Variants in KDM2B observed in about 807,000 individuals in gnomAD.
KDM2B encodes the protein lysine-specific demethylase 2B.
KDM2B carries 26 observed loss-of-function variants against 150.0 expected under a neutral mutation model. The observed-to-expected ratio is 0.17, with a 90% CI of 0.13 to 0.24. The LOEUF is 0.24. Among genes scored for constraint, KDM2B ranks in the 10% least tolerant of loss-of-function variants. The pLI is 1.00. For missense variants in KDM2B, 1,265 were observed against 1,816.9 expected, an observed-to-expected ratio of 0.70 and a Z score of 5.52; for synonymous variants, 734 against 729.5, an observed-to-expected ratio of 1.01 and a Z score of -0.10.
At chr12:121,413,870 C>T in the KDM2B span, among the ~76,000 whole-genome samples, 9 of 152,214 alleles carry the variant, frequency 5.9e-5, no homozygotes, top group South Asian at 1.0e-3. Flanking sequence ...CCACCGCGCC[C>T]GGCTTCACCT....
chr12:121,472,800 C>T (rs569067175), intron 12 of KDM2B, among the ~76,000 whole-genome samples: 6 of 152,230 alleles, frequency 3.9e-5, no homozygotes, highest in African/African-American at 9.6e-5. Context: ...TAAGGCTCAG[C>T]GAGGCAAATT....
intron 12 of KDM2B, among the ~76,000 whole-genome samples, chr12:121,477,633 G>A (rs1312831372): frequency 6.7e-5 from 10 of 148,182 alleles, no homozygotes; most frequent in South Asian, 2.1e-4. Flanking sequence ...GCTGGAGTGC[G>A]ATAGCATGAT....
At position 121,467,458 on chromosome 12, in the gene KDM2B, C is replaced by T. The variant is rs1197678689; in HGVS notation, c.1735-14114G>A. The T allele has an allele frequency of 1.5e-6, 1 of 671,090 alleles. No homozygotes were observed. Among genetic ancestry groups the T allele is most frequent in the Non-Finnish European group, 1.8e-6 (1 of 545,412 alleles). 41.6% of individuals were successfully genotyped at this position (671,090 alleles called of 1,614,324 possible). ...GAGGCGAGCCAGGAAGGGGCTGGCC[C>T]CCCGGGCGGGCGGGCCAATGGCGCG... is the stretch of plus-strand genomic sequence containing the variant. On this transcript the variant is annotated intron_variant, in intron 12 of 22. Coordinates refer to ENST00000377071, the MANE Select transcript of KDM2B (RefSeq NM_032590.5). This position sits in a 1 kb window ranked among gnomAD's most constrained non-coding sequence, Gnocchi z 5.1.
At chr12:121,448,598 C>T (rs182380701) in intron 13 of KDM2B, among the ~76,000 whole-genome samples, 25 of 152,052 alleles carry the variant, frequency 1.6e-4, no homozygotes, top group African/African-American at 5.6e-4. Flanking sequence ...AGAGGAAGCA[C>T]GCAGCCAACC....
chr12:121,570,058 T>C (rs1890982038), intron 4 of KDM2B, among the ~76,000 whole-genome samples: 3 of 151,968 alleles, frequency 2.0e-5, no homozygotes, highest in Admixed American at 2.0e-4. Flanking sequence ...GGTTTTGTTT[T>C]GTTTTGTTTG....
In KDM2B at chr12:121,430,061, A is replaced by G. The variant is rs1555285074; in HGVS notation, c.*227T>C. 2 of 1,458,806 alleles carry G rather than the reference A, an allele frequency of 1.4e-6. No homozygotes were observed. The highest frequency in any genetic ancestry group is 1.1e-5 in the South Asian group (1 of 87,996). 90.4% of individuals were successfully genotyped at this position (1,458,806 alleles called of 1,614,324 possible). A position where few individuals can be genotyped will look rare whatever the true frequency, so the allele number is the denominator to read the frequency against. ...TCTTCTTGTAAAGGCCGCCTTAGAA[A>G]TGGTCCAGAAAGCAGTGCAGTTACG... is the stretch of plus-strand genomic sequence containing the variant. On this transcript the variant is annotated 3_prime_UTR_variant, in exon 23 of 23. Transcript: ENST00000377071. The surrounding 1 kb of genome is among the most constrained non-coding windows in gnomAD (Gnocchi z 4.4).
chr12:121,445,654 C>A (rs1876028185), intron 13 of KDM2B, among the ~76,000 whole-genome samples: 1 of 152,236 alleles, frequency 6.6e-6, no homozygotes, highest in Non-Finnish European at 1.5e-5. Context: ...AGCTCAAAAT[C>A]TCTGCCATCC....
rs782674526 is a variant in KDM2B at position 121,441,207 on chromosome 12, C to T, written c.3311G>A (p.Arg1104His). The T allele has an allele frequency of 1.1e-5, 17 of 1,613,974 alleles. 1 individual carries two copies. The highest frequency in any genetic ancestry group is 3.3e-4 in the Middle Eastern group (2 of 6,084). The change falls in exon 20 of 23, where the codon CGC becomes CAC. Residue 1104 changes from arginine (R) to histidine (H), a missense_variant. By Grantham distance (29) the Arg-to-His change is conservative. Coordinates refer to ENST00000377071, the MANE Select transcript of KDM2B (RefSeq NM_032590.5). ...RWCCDKRLWT[R>H]IDLNHCKSIT... ...AGACTTGCAGTGGTTCAGGTCAATG[C>T]GGGTCCACAACCGCTTATCGCAGCA...
chr12:121,562,660 G>C (rs1890426950), intron 4 of KDM2B, among the ~76,000 whole-genome samples: 3 of 151,214 alleles, frequency 2.0e-5, no homozygotes, highest in African/African-American at 7.3e-5. Context: ...AGGAGGAGGA[G>C]GAGGAAGGGG....
chr12:121,508,570 G>C (rs1239204003), intron 11 of KDM2B, among the ~76,000 whole-genome samples: 1 of 152,182 alleles, frequency 6.6e-6, no homozygotes, highest in Non-Finnish European at 1.5e-5. Context: ...CATTGGAGAA[G>C]GACACCCAGA....
chr12:121,581,081 TTTCA>T, upstream of KDM2B: 32 of 809,394 alleles, frequency 4.0e-5, no homozygotes, highest in South Asian at 9.1e-5. Context: ...AGACGTTGCC[TTTCA>T]TTCATTCATT....
At chr12:121,426,498 G>A (rs1555284253), downstream of KDM2B, among the ~76,000 whole-genome samples, 1 of 145,894 alleles carries the variant, frequency 6.9e-6, no homozygotes, top group African/African-American at 2.6e-5. Context: ...CCCAGGCAGA[G>A]TACAGTGGCA....
At position 121,440,901 on chromosome 12, in the gene KDM2B, G is replaced by C. The variant is rs782755306; in HGVS notation, c.3525C>G (p.Leu1175=). 1.2e-6 allele frequency: 2 copies of C among 1,614,062 alleles called. No homozygotes were observed. The highest frequency in any genetic ancestry group is 1.7e-6 in the Non-Finnish European group (2 of 1,179,990). ...SALCSSSCPL[L]RTLDVQWVEG... The stretch of plus-strand genomic sequence containing the variant: ...CCACCCACTGGACATCCAGGGTCCG[G>C]AGCAGCGGACAACTGGAGCTGCAAA... Residue 1175 remains leucine, a synonymous_variant, in exon 21 of 23, where the codon CTC becomes CTG. Transcript: ENST00000377071.
In KDM2B at chr12:121,467,838, G is replaced by T. The variant is rs1346789462; in HGVS notation, c.1735-14494C>A. ...AGCAGGCACACGGGCTGCCGGGTTT[G>T]CACTCGCTGCAGGACCAGGACCTGA... is the stretch of plus-strand genomic sequence containing the variant. On this transcript the variant is annotated intron_variant, in intron 12 of 22. Coordinates refer to ENST00000377071, the MANE Select transcript of KDM2B (RefSeq NM_032590.5). The surrounding 1 kb of genome is among the most constrained non-coding windows in gnomAD (Gnocchi z 5.1). 5.3e-5 allele frequency: 8 copies of T among 152,262 alleles called. No individual in the cohort carries two copies. Among genetic ancestry groups the T allele is most frequent in the Admixed American group, 4.6e-4 (7 of 15,292 alleles). 9.4% of individuals were successfully genotyped at this position (152,262 alleles called of 1,614,324 possible).
chr12:121,508,383 G>A (rs373731912), intron 11 of KDM2B, among the ~76,000 whole-genome samples: 1 of 152,180 alleles, frequency 6.6e-6, no homozygotes, highest in African/African-American at 2.4e-5. Flanking sequence ...ACCGTGCCTG[G>A]CCCGCACCCA....
Position 121,537,603 on chromosome 12 carries a change from G to C in KDM2B, c.684-3013C>G, listed in dbSNP as rs1888241870. ...TGCTGCACCTGCAGCACCAACTTTG[G>C]GGCGCTGCCTGGGGGCTGCGGAGGC... On this transcript the variant is annotated intron_variant, in intron 6 of 22. Coordinates refer to ENST00000377071, the MANE Select transcript of KDM2B (RefSeq NM_032590.5). The surrounding 1 kb of genome is among the most constrained non-coding windows in gnomAD (Gnocchi z 8.7). 6.6e-6 allele frequency: 1 copy of C among 152,100 alleles called. No homozygotes were observed. The highest frequency in any genetic ancestry group is 2.1e-4 in the South Asian group (1 of 4,836). The allele number at this position is 152,100 out of a possible 1,614,324, so 9.4% of individuals were successfully genotyped here.
intron 4 of KDM2B, among the ~76,000 whole-genome samples, chr12:121,552,494 A>G (rs890284479): frequency 6.6e-6 from 1 of 151,978 alleles, no homozygotes; most frequent in African/African-American, 2.4e-5. Flanking sequence ...CCAACATGGC[A>G]AAACCCTATC....
chr12:121,416,231 G>A, the KDM2B span: 439 of 1,614,028 alleles, frequency 2.7e-4, 5 homozygotes, highest in South Asian at 4.5e-3. Context: ...AGCTGTCAGG[G>A]GCCAGCAGTC....
At chr12:121,435,037 G>GAAAA (rs113742352) in intron 22 of KDM2B, among the ~76,000 whole-genome samples, 3 of 139,348 alleles carry the variant, frequency 2.2e-5, no homozygotes, top group Admixed American at 7.2e-5. Context: ...CCAACAAAGG[G>GAAAA]AAAAAAAAAA....
Sources: gnomAD v4.1 joint callset for allele counts (sites outside exome capture counted in the v4.1 genomes callset) on GRCh38, gnomAD v4.1.1 for gene constraint, Gnocchi (gnomAD v3.1) non-coding constraint, MANE v1.5 for transcripts, NCBI Gene and HGNC (gene_info 2026-07-23, HGNC 2026-07-21) for gene names.